TNR: variants seen among roughly 807,000 people sequenced by gnomAD.
The protein encoded by TNR is tenascin R.
In TNR, 45 loss-of-function variants were observed where a neutral mutation model predicts 150.4. That is an observed-to-expected ratio of 0.30 (90% CI 0.24 to 0.38). The LOEUF (loss-of-function observed/expected upper bound fraction) is 0.38. Among genes scored for constraint, TNR ranks in the 10% least tolerant of loss-of-function variants. The pLI, the probability that TNR is intolerant of heterozygous loss-of-function variation, is 1.00. For synonymous variants in TNR, 687 were observed against 678.4 expected (o/e 1.01, Z -0.20); for missense variants, 1,544 against 1,759.1 (o/e 0.88, Z 2.19).
At chr1:175,531,983 G>A (rs937365413) in intron 1 of TNR, among the ~76,000 whole-genome samples, 1 of 152,218 alleles carries the variant, frequency 6.6e-6, no homozygotes, top group Non-Finnish European at 1.5e-5. Flanking sequence ...AGGGCTTTGT[G>A]TTTTTGTCCT....
At chr1:175,445,162 C>T (rs929699190) in intron 2 of TNR, among the ~76,000 whole-genome samples, 6 of 151,872 alleles carry the variant, frequency 4.0e-5, no homozygotes, top group East Asian at 3.9e-4. Flanking sequence ...CCCAGCTACT[C>T]GGGAGGCAGA....
chr1:175,429,422 A>G (rs1655161267), intron 2 of TNR, among the ~76,000 whole-genome samples: 1 of 152,222 alleles, frequency 6.6e-6, no homozygotes, highest in Non-Finnish European at 1.5e-5. Context: ...CCTGACTCCA[A>G]TAGTTGCTCT....
intron 2 of TNR, among the ~76,000 whole-genome samples, chr1:175,461,078 G>A (rs771713614): frequency 1.3e-5 from 2 of 152,222 alleles, no homozygotes; most frequent in Non-Finnish European, 2.9e-5. Flanking sequence ...GTTTGCCTCT[G>A]CTTCAGTGAA....
intron 1 of TNR, among the ~76,000 whole-genome samples, chr1:175,663,514 A>G (rs1007229556): frequency 8.5e-5 from 13 of 152,314 alleles, no homozygotes; most frequent in African/African-American, 2.9e-4. Flanking sequence ...CAGAAAACAC[A>G]CAAGGATTTT....
chr1:175,586,787 T>C (rs534233899), intron 1 of TNR, among the ~76,000 whole-genome samples: 8 of 152,342 alleles, frequency 5.3e-5, no homozygotes, highest in Middle Eastern at 3.4e-3. Context: ...GAGACTCACC[T>C]GACTGGGATG....
intron 9 of TNR, among the ~76,000 whole-genome samples, chr1:175,371,306 C>A (rs1190453167): frequency 1.3e-5 from 2 of 152,208 alleles, no homozygotes; most frequent in African/African-American, 4.8e-5. Flanking sequence ...CCTTATAGAA[C>A]TTTCTTTGTT....
chr1:175,528,303 C>T lies in TNR; in HGVS notation c.-98G>A, dbSNP rs1032176533. 2.0e-5 allele frequency: 3 copies of T among 152,216 alleles called. No homozygotes were observed. Among genetic ancestry groups the T allele is most frequent in the Admixed American group, 1.3e-4 (2 of 15,284 alleles). The allele number at this position is 152,216 out of a possible 1,614,324, so 9.4% of individuals were successfully genotyped here. A position where few individuals can be genotyped will look rare whatever the true frequency, so the allele number is the denominator to read the frequency against. On this transcript the variant is annotated 5_prime_UTR_variant, in exon 2 of 23. Transcript: ENST00000367674. The stretch of plus-strand genomic sequence containing the variant: ...TGGTGTCTTCGATGCTTTCTCTTTA[C>T]TGCACTTTCTTTAATCCTAATTCCA...
At chr1:175,381,108 G>A (rs574937472) in intron 8 of TNR, among the ~76,000 whole-genome samples, 4 of 152,330 alleles carry the variant, frequency 2.6e-5, no homozygotes, top group Non-Finnish European at 2.9e-5. Context: ...CAGATACTAT[G>A]TATTCTTGAC....
intron 1 of TNR, among the ~76,000 whole-genome samples, chr1:175,718,172 T>C (rs1431347525): frequency 6.6e-6 from 1 of 152,140 alleles, no homozygotes; most frequent in Admixed American, 6.5e-5. Flanking sequence ...TCGAGGAGAC[T>C]GAGATCATGG....
chr1:175,515,051 A>G (rs74127319), intron 2 of TNR, among the ~76,000 whole-genome samples: 96 of 152,338 alleles, frequency 6.3e-4, no homozygotes, highest in African/African-American at 2.2e-3. Flanking sequence ...GTCTTCACCA[A>G]CTGAATGTCA....
At chr1:175,423,006 C>T (rs1008793408) in intron 2 of TNR, among the ~76,000 whole-genome samples, 3 of 152,200 alleles carry the variant, frequency 2.0e-5, no homozygotes, top group African/African-American at 7.2e-5. Flanking sequence ...AGACACAATG[C>T]CTATCTGTCT....
chr1:175,315,812 A>ATGTGTGCG lies in TNR; in HGVS notation c.*7544_*7545insCGCACACA, dbSNP rs1648821061. 3 of 146,868 alleles carry ATGTGTGCG rather than the reference A, an allele frequency of 2.0e-5. No homozygotes were observed. Among genetic ancestry groups the ATGTGTGCG allele is most frequent in the African/African-American group, 7.5e-5 (3 of 39,770 alleles). 9.1% of individuals were successfully genotyped at this position (146,868 alleles called of 1,614,324 possible). A position where few individuals can be genotyped will look rare whatever the true frequency, so the allele number is the denominator to read the frequency against. ...TGTGTGCATGCATGTGTGTGTGTGC[A>ATGTGTGCG]TGTGTGTGTGTGTGTGTGTGTGTGT... On this transcript the variant is annotated 3_prime_UTR_variant, in exon 23 of 23. Coordinates refer to ENST00000367674, the MANE Select transcript of TNR (RefSeq NM_003285.3).
At chr1:175,626,861 T>C (rs1323129) in intron 1 of TNR, among the ~76,000 whole-genome samples, 101,520 of 152,076 alleles carry the variant, frequency 0.67, 35,794 homozygotes, top group African/African-American at 0.92. Flanking sequence ...AGCCTCAATC[T>C]AATGACAAGT....
chr1:175,391,253 A>G, intron 7 of TNR, 35 bp downstream of exon 7: 2 of 1,606,240 alleles, frequency 1.2e-6, no homozygotes, highest in Non-Finnish European at 1.7e-6. Context: ...GTGACCTAGT[A>G]GGCAGCTCTA....
At chr1:175,652,174 T>C (rs1221729006) in intron 1 of TNR, among the ~76,000 whole-genome samples, 1 of 147,948 alleles carries the variant, frequency 6.8e-6, no homozygotes, top group African/African-American at 2.5e-5. Context: ...TATAATAATA[T>C]ATAATGTAAT....
intron 2 of TNR, among the ~76,000 whole-genome samples, chr1:175,440,664 T>C (rs993797631): frequency 6.6e-5 from 10 of 152,024 alleles, no homozygotes; most frequent in Admixed American, 1.3e-4. Flanking sequence ...AGAGGATTCA[T>C]TGATACCAAG....
At chr1:175,465,636 T>C (rs1022217017) in intron 2 of TNR, among the ~76,000 whole-genome samples, 2 of 151,990 alleles carry the variant, frequency 1.3e-5, no homozygotes, top group African/African-American at 2.4e-5. Flanking sequence ...GAAATATATG[T>C]GGAAGGAAGA....
At chr1:175,589,184 A>G (rs1267398788) in intron 1 of TNR, among the ~76,000 whole-genome samples, 1 of 152,206 alleles carries the variant, frequency 6.6e-6, no homozygotes, top group Non-Finnish European at 1.5e-5. Context: ...CACAAATACA[A>G]GATCTCAAAT....
At chr1:175,456,882 G>A (rs1656594932) in intron 2 of TNR, among the ~76,000 whole-genome samples, 1 of 152,152 alleles carries the variant, frequency 6.6e-6, no homozygotes, top group African/African-American at 2.4e-5. Flanking sequence ...GGGCAGTAAG[G>A]GGAAACTGAG....
Sources: allele counts gnomAD v4.1 joint callset (sites outside exome capture counted in the v4.1 genomes callset), GRCh38; gene constraint gnomAD v4.1.1; transcripts MANE v1.5; gene names NCBI Gene and HGNC (gene_info 2026-07-23, HGNC 2026-07-21).